Variants in HNRNPUL1 observed in about 807,000 individuals in gnomAD.
The protein encoded by HNRNPUL1 is heterogeneous nuclear ribonucleoprotein U-like protein 1.
In HNRNPUL1, 14 loss-of-function variants were observed where a neutral mutation model predicts 108.5. The ratio of observed to expected loss-of-function variants is 0.13; its 90% confidence interval spans 0.09 to 0.20. The LOEUF (loss-of-function observed/expected upper bound fraction) is 0.20, where lower values mean the gene tolerates loss of function less well. Among genes scored for constraint, HNRNPUL1 ranks in the 10% least tolerant of loss-of-function variants. The pLI is 1.00. For missense variants in HNRNPUL1, 804 were observed against 1,168.3 expected, an observed-to-expected ratio of 0.69 and a Z score of 4.55; for synonymous variants, 422 against 445.2, an observed-to-expected ratio of 0.95 and a Z score of 0.66.
chr19:41,276,887 C>T (rs1022502651), intron 5 of HNRNPUL1: 1 of 152,384 alleles, frequency 6.6e-6, no homozygotes, highest in Non-Finnish European at 1.5e-5. Flanking sequence ...ATCACAAGGT[C>T]AGGAGTTCAA....
chr19:41,271,960 G>A, intron 2 of HNRNPUL1, 122 bp from the exon 3 acceptor site: 3 of 1,113,500 alleles, frequency 2.7e-6, no homozygotes, highest in East Asian at 2.4e-5. Context: ...AGCTGCCTGT[G>A]CCCAGCCCTT....
At chr19:41,298,178 A>G (rs780785672) in intron 10 of HNRNPUL1, among the ~76,000 whole-genome samples, 2 of 152,138 alleles carry the variant, frequency 1.3e-5, no homozygotes, top group African/African-American at 2.4e-5. Context: ...TCACATCATC[A>G]TTCGTACCTG....
In HNRNPUL1 at chr19:41,274,071, G is replaced by A; in HGVS notation, c.646+16G>A. 1 of 1,606,320 alleles carries A rather than the reference G, an allele frequency of 6.2e-7. No individual in the cohort carries two copies. Among genetic ancestry groups the A allele is most frequent in the Non-Finnish European group, 8.5e-7 (1 of 1,172,880 alleles). On this transcript the variant is annotated intron_variant, in intron 4 of 14. Transcript: ENST00000392006. ...ATTGACACCTGTAAGTCTTTGGAGT[G>A]TGCATCTAATTCTGCCTTACAGTCA... is the stretch of plus-strand genomic sequence containing the variant.
rs953380702 is a variant in HNRNPUL1 at position 41,279,100 on chromosome 19, G to A, written c.810G>A (p.Lys270=). The A allele has an allele frequency of 5.0e-6, 8 of 1,613,952 alleles. No homozygotes were observed. In the East Asian group the frequency reaches 1.3e-4, roughly 27 times the overall value. ...EMKINEEISV[K]HLPSTEPDPH... is the part of the protein sequence containing the mutation. ...AGATCAATGAGGAAATCTCCGTGAAGCACCTTCCGTCTACAGAGCCTGACC... is the reference window on the plus strand; with the variant it reads ...AGATCAATGAGGAAATCTCCGTGAAACACCTTCCGTCTACAGAGCCTGACC... The change falls in exon 6 of 15, where the codon AAG becomes AAA. Residue 270 remains lysine (K), a synonymous_variant. Transcript: ENST00000392006.
chr19:41,305,750 A>G lies in HNRNPUL1; in HGVS notation c.2337A>G (p.Pro779=). The change falls in exon 14 of 15, where the codon CCA becomes CCG. Residue 779 remains proline (P), a synonymous_variant. Transcript: ENST00000392006. ...QGYTAPPPPP[P]PPPAYNYGSY... Reference sequence around the variant, plus strand: ...ACACAGCCCCACCGCCTCCACCTCCACCACCACCTGCCTACAACTATGGGA... The same window carrying G: ...ACACAGCCCCACCGCCTCCACCTCCGCCACCACCTGCCTACAACTATGGGA... The G allele has an allele frequency of 6.2e-7, 1 of 1,613,892 alleles. No homozygotes were observed. The highest frequency in any genetic ancestry group is 8.5e-7 in the Non-Finnish European group (1 of 1,179,916).
chr19:41,279,804 T>C (rs2035798351), intron 6 of HNRNPUL1, among the ~76,000 whole-genome samples: 1 of 152,144 alleles, frequency 6.6e-6, no homozygotes, highest in Non-Finnish European at 1.5e-5. Flanking sequence ...AAAATGAAAA[T>C]CCTTCCTAAA....
At chr19:41,271,693 G>A (rs956740160) in intron 2 of HNRNPUL1, among the ~76,000 whole-genome samples, 1 of 152,126 alleles carries the variant, frequency 6.6e-6, no homozygotes, top group African/African-American at 2.4e-5. Context: ...CCTATGGGAT[G>A]GCTTAACCGG....
chr19:41,267,005 A>G (rs1037332325), intron 1 of HNRNPUL1, among the ~76,000 whole-genome samples: 2 of 152,208 alleles, frequency 1.3e-5, no homozygotes, highest in African/African-American at 4.8e-5. Flanking sequence ...GCAGAGAGTC[A>G]TCTCTGAGAG....
chr19:41,285,146 G>C (rs2036148261), intron 7 of HNRNPUL1, among the ~76,000 whole-genome samples: 1 of 152,178 alleles, frequency 6.6e-6, no homozygotes, highest in Non-Finnish European at 1.5e-5. Context: ...ACTTTAGAAA[G>C]AGGTTTGGCT....
At chr19:41,270,200 C>T (rs1177551295) in intron 2 of HNRNPUL1, among the ~76,000 whole-genome samples, 3 of 152,076 alleles carry the variant, frequency 2.0e-5, no homozygotes, top group African/African-American at 7.2e-5. Context: ...CCAGGCTGGT[C>T]TCAAACTCTT....
intron 10 of HNRNPUL1, among the ~76,000 whole-genome samples, chr19:41,300,857 T>C (rs2122937476): frequency 6.7e-6 from 1 of 149,132 alleles, no homozygotes; most frequent in East Asian, 2.0e-4. Context: ...AGCTTGTGGG[T>C]GAGGCTGATG....
chr19:41,285,926 C>G (rs190670031), intron 7 of HNRNPUL1, among the ~76,000 whole-genome samples: 5 of 152,054 alleles, frequency 3.3e-5, no homozygotes, highest in Non-Finnish European at 7.4e-5. Context: ...CCCAGCACTT[C>G]GGGAGGCCAA....
At position 41,270,737 on chromosome 19, in the gene HNRNPUL1, G is replaced by A. The variant is rs534799347; in HGVS notation, c.419-1345G>A. On this transcript the variant is annotated intron_variant, in intron 2 of 14. Coordinates refer to ENST00000392006, the MANE Select transcript of HNRNPUL1 (RefSeq NM_007040.6). Reference sequence around the variant, plus strand: ...CAGCCTCCTAAGTAGTTGGGACTACGGGCGTGCCACCACACCCAGCTAATT... The same window carrying A: ...CAGCCTCCTAAGTAGTTGGGACTACAGGCGTGCCACCACACCCAGCTAATT... Among the ~76,000 whole-genome samples the A allele has an allele frequency of 2.0e-5, 3 of 151,642 alleles. No individual in the cohort carries two copies. In the South Asian group the frequency reaches 6.3e-4, roughly 32 times the overall value.
chr19:41,297,545 T>TGGA (rs2036962352), intron 10 of HNRNPUL1, among the ~76,000 whole-genome samples: 2 of 152,334 alleles, frequency 1.3e-5, no homozygotes, highest in Non-Finnish European at 2.9e-5. Context: ...TTTCTGGCCT[T>TGGA]GTCCCAGAGG....
intron 2 of HNRNPUL1, among the ~76,000 whole-genome samples, chr19:41,269,317 T>C (rs2035064204): frequency 6.6e-6 from 1 of 151,086 alleles, no homozygotes. Flanking sequence ...AATTTAAAAA[T>C]TAGCCAGGCA....
chr19:41,299,551 G>A (rs563854457), intron 10 of HNRNPUL1, among the ~76,000 whole-genome samples: 8 of 152,272 alleles, frequency 5.3e-5, no homozygotes, highest in African/African-American at 1.9e-4. Context: ...ATCCACTCTG[G>A]GTGTTGACTT....
intron 3 of HNRNPUL1, 123 bp downstream of exon 3, chr19:41,272,358 CT>C: frequency 9.9e-7 from 1 of 1,013,078 alleles, no homozygotes; most frequent in Non-Finnish European, 1.5e-6. Flanking sequence ...TGCTTTCACA[CT>C]CTTCCTGTCC....
At chr19:41,288,827 G>A (rs1031460926) in intron 7 of HNRNPUL1, among the ~76,000 whole-genome samples, 4 of 151,970 alleles carry the variant, frequency 2.6e-5, no homozygotes, top group Non-Finnish European at 4.4e-5. Flanking sequence ...CCATTTACTG[G>A]AGTAACTTGG....
chr19:41,282,916 G>A (rs958632777), intron 7 of HNRNPUL1, among the ~76,000 whole-genome samples: 16 of 150,728 alleles, frequency 1.1e-4, no homozygotes, highest in Non-Finnish European at 1.6e-4. Context: ...GGATGGTCTC[G>A]ATCTCCTGAC....
Sources: allele counts gnomAD v4.1 joint callset (sites outside exome capture counted in the v4.1 genomes callset), GRCh38; gene constraint gnomAD v4.1.1; transcripts MANE v1.5; gene names NCBI Gene and HGNC (gene_info 2026-07-23, HGNC 2026-07-21).